KIAA1328: variants seen among roughly 807,000 people sequenced by gnomAD.
KIAA1328 encodes the protein protein hinderin.
Under a neutral mutation model 68.1 loss-of-function variants are expected in KIAA1328, and 52 were observed. That is an observed-to-expected ratio of 0.76 (90% CI 0.61 to 0.96). The LOEUF (loss-of-function observed/expected upper bound fraction) is 0.96, where lower values mean the gene tolerates loss of function less well. KIAA1328 is among the 40% of genes least tolerant of loss of function. The probability of loss-of-function intolerance (pLI) is 0.00; values close to 1 mark genes in which losing one functional copy is unlikely to be tolerated. For synonymous variants in KIAA1328, 232 were observed against 239.4 expected (o/e 0.97, Z 0.28); for missense variants, 641 against 677.6 (o/e 0.95, Z 0.60).
At chr18:37,010,697 T>C (rs2053950425) in intron 6 of KIAA1328, among the ~76,000 whole-genome samples, 1 of 152,092 alleles carries the variant, frequency 6.6e-6, no homozygotes, top group Non-Finnish European at 1.5e-5. Context: ...AATGTGTTGG[T>C]TGGGCTCTTT....
At position 36,959,425 on chromosome 18, in the gene KIAA1328, A is replaced by G; in HGVS notation, c.566A>G (p.Gln189Arg). The G allele has an allele frequency of 6.2e-7, 1 of 1,608,724 alleles. No homozygotes were observed. Among genetic ancestry groups the G allele is most frequent in the Non-Finnish European group, 8.5e-7 (1 of 1,178,214 alleles). Residue 189 changes from glutamine (Q) to arginine (R), a missense_variant, in exon 6 of 10, where the codon CAG (glutamine) becomes CGG (arginine). Physicochemically the swap from Gln to Arg is conservative, Grantham distance 43. Coordinates refer to ENST00000280020, the MANE Select transcript of KIAA1328 (RefSeq NM_020776.3). ...SLSELGAARM[Q>R]EQQVSSRKST... The stretch of plus-strand genomic sequence containing the variant: ...TCAGAACTTGGTGCTGCTAGAATGC[A>G]GGAACAGCAGGTAAGCATCTTTAAT...
At chr18:37,153,912 T>C (rs2059098189) in intron 7 of KIAA1328, among the ~76,000 whole-genome samples, 2 of 151,852 alleles carry the variant, frequency 1.3e-5, no homozygotes, top group Admixed American at 6.6e-5. Context: ...CATGTGCTGT[T>C]TTTTCTCTTA....
intron 9 of KIAA1328, among the ~76,000 whole-genome samples, chr18:37,182,233 C>T (rs1410631922): frequency 6.6e-6 from 1 of 152,120 alleles, no homozygotes; most frequent in African/African-American, 2.4e-5. Flanking sequence ...TTTAATGTCT[C>T]TTCCTTAGGC....
At chr18:37,171,661 A>G (rs565154590) in intron 8 of KIAA1328, among the ~76,000 whole-genome samples, 4 of 152,190 alleles carry the variant, frequency 2.6e-5, no homozygotes, top group Non-Finnish European at 4.4e-5. Context: ...AGATTTCTAT[A>G]TATAAAGAAG....
intron 7 of KIAA1328, among the ~76,000 whole-genome samples, chr18:37,127,006 T>C (rs1194121474): frequency 6.6e-6 from 1 of 152,196 alleles, no homozygotes; most frequent in Admixed American, 6.5e-5. Context: ...CACCGTACCC[T>C]ACTAAGACTG....
At chr18:36,933,493 A>C (rs1386301914) in intron 5 of KIAA1328, among the ~76,000 whole-genome samples, 2 of 152,176 alleles carry the variant, frequency 1.3e-5, no homozygotes, top group Admixed American at 1.3e-4. Flanking sequence ...ACCTGGAGGC[A>C]CACCCTCCTC....
At position 36,922,106 on chromosome 18, in the gene KIAA1328, T is replaced by C. The variant is rs1157514985; in HGVS notation, c.448+36434T>C. 2.6e-5 allele frequency among the ~76,000 whole-genome samples: 4 copies of C among 152,022 alleles called. No homozygotes were observed. The South Asian group carries it at 6.2e-4, about 24-fold the overall frequency. On this transcript the variant is annotated intron_variant, in intron 5 of 9. Coordinates refer to ENST00000280020, the MANE Select transcript of KIAA1328 (RefSeq NM_020776.3). ...GACAACCTATATGTAGCTAGTCAAGTCATGGCACTCCCTTTTAATTTTCTC... is the reference window on the plus strand; with the variant it reads ...GACAACCTATATGTAGCTAGTCAAGCCATGGCACTCCCTTTTAATTTTCTC...
intron 7 of KIAA1328, among the ~76,000 whole-genome samples, chr18:37,138,702 TC>T (rs1353798896): frequency 1.3e-5 from 2 of 152,134 alleles, no homozygotes; most frequent in African/African-American, 4.8e-5. Flanking sequence ...CATACTGCCA[TC>T]GTAACACCTG....
At chr18:37,001,769 A>G (rs1231956117) in intron 6 of KIAA1328, among the ~76,000 whole-genome samples, 1 of 152,204 alleles carries the variant, frequency 6.6e-6, no homozygotes, top group African/African-American at 2.4e-5. Context: ...GATCATCTCA[A>G]TAGATGCAGA....
chr18:36,844,183 T>G, intron 3 of KIAA1328, 25 bp from the exon 4 acceptor site: 1 of 1,499,440 alleles, frequency 6.7e-7, no homozygotes, highest in Non-Finnish European at 9.1e-7. Flanking sequence ...TTAGAAAAAG[T>G]GTAACTAAAT....
intron 7 of KIAA1328, among the ~76,000 whole-genome samples, chr18:37,155,400 C>T (rs1298782757): frequency 1.3e-5 from 2 of 152,180 alleles, no homozygotes; most frequent in African/African-American, 4.8e-5. Context: ...CTTCCCCAAT[C>T]CTCCTCTGTA....
intron 4 of KIAA1328, among the ~76,000 whole-genome samples, chr18:36,869,630 T>G (rs978556484): frequency 1.4e-5 from 2 of 148,112 alleles, no homozygotes; most frequent in African/African-American, 4.8e-5. Flanking sequence ...CATGTGCATA[T>G]TTTTCTCTTT....
At chr18:36,897,154 G>A (rs948686941) in intron 5 of KIAA1328, among the ~76,000 whole-genome samples, 1 of 151,976 alleles carries the variant, frequency 6.6e-6, no homozygotes, top group Non-Finnish European at 1.5e-5. Context: ...AGATGGTAAG[G>A]ATTATCATCT....
chr18:37,036,261 CT>C (rs1340369483), intron 6 of KIAA1328, among the ~76,000 whole-genome samples: 2 of 152,114 alleles, frequency 1.3e-5, no homozygotes, highest in African/African-American at 2.4e-5. Context: ...AATTTAGAGA[CT>C]TATAGGAAAG....
intron 7 of KIAA1328, among the ~76,000 whole-genome samples, chr18:37,103,793 C>T (rs911908323): frequency 7.3e-6 from 1 of 136,898 alleles, no homozygotes; most frequent in African/African-American, 2.9e-5. Context: ...AGGAATAGTT[C>T]AATAGCAAAT....
intron 6 of KIAA1328, among the ~76,000 whole-genome samples, chr18:36,962,203 A>G (rs1371679577): frequency 6.6e-6 from 1 of 152,240 alleles, no homozygotes; most frequent in Non-Finnish European, 1.5e-5. Context: ...TTAAACCAAC[A>G]AAGATCAAAA....
intron 9 of KIAA1328, among the ~76,000 whole-genome samples, chr18:37,179,740 C>T (rs1303472541): frequency 1.3e-5 from 2 of 152,122 alleles, no homozygotes; most frequent in South Asian, 2.1e-4. Flanking sequence ...TCTTAAGTAA[C>T]TTAACATGAA....
intron 7 of KIAA1328, among the ~76,000 whole-genome samples, chr18:37,153,932 C>T (rs1176893405): frequency 2.6e-5 from 4 of 150,992 alleles, no homozygotes; most frequent in Non-Finnish European, 5.9e-5. Flanking sequence ...ATACTCTATT[C>T]GCTTAAATGT....
intron 9 of KIAA1328, among the ~76,000 whole-genome samples, chr18:37,213,482 C>T (rs1333800163): frequency 6.6e-6 from 1 of 152,188 alleles, no homozygotes. Context: ...ATGAACTCAT[C>T]CTTTTTTATG....
Sources: allele counts gnomAD v4.1 joint callset (sites outside exome capture counted in the v4.1 genomes callset), GRCh38; gene constraint gnomAD v4.1.1; transcripts MANE v1.5; gene names NCBI Gene and HGNC (gene_info 2026-07-23, HGNC 2026-07-21).